RGS7: variants seen among roughly 807,000 people sequenced by gnomAD.
The protein encoded by RGS7 is regulator of G protein signaling 7, also known as regulator of G-protein signaling 7.
Under a neutral mutation model 81.1 loss-of-function variants are expected in RGS7, and 27 were observed. That is an observed-to-expected ratio of 0.33 (90% CI 0.25 to 0.46). The LOEUF is 0.46. RGS7 is among the 20% of genes least tolerant of loss of function. RGS7 has a pLI of 1.00. For synonymous variants in RGS7, 208 were observed against 207.7 expected (o/e 1.00, Z -0.01); for missense variants, 396 against 607.4 (o/e 0.65, Z 3.66).
chr1:241,265,154 A>G (rs1467012017), intron 2 of RGS7, among the ~76,000 whole-genome samples: 1 of 152,228 alleles, frequency 6.6e-6, no homozygotes, highest in Non-Finnish European at 1.5e-5. Flanking sequence ...CGTGTTCCCA[A>G]GTGCAGCCTT....
At chr1:241,304,325 T>C (rs2079951202) in intron 2 of RGS7, among the ~76,000 whole-genome samples, 1 of 152,156 alleles carries the variant, frequency 6.6e-6, no homozygotes, top group African/African-American at 2.4e-5. Context: ...TAGGAGGGTG[T>C]TATGGCTACC....
intron 2 of RGS7, among the ~76,000 whole-genome samples, chr1:241,348,545 A>G (rs1333431472): frequency 2.0e-5 from 3 of 152,228 alleles, no homozygotes; most frequent in Non-Finnish European, 4.4e-5. Flanking sequence ...ACAAATAAAT[A>G]AAGACCTGAA....
intron 6 of RGS7, among the ~76,000 whole-genome samples, chr1:240,897,341 G>A (rs1669256543): frequency 6.6e-6 from 1 of 152,212 alleles, no homozygotes; most frequent in South Asian, 2.1e-4. Context: ...GGTGAGAGAG[G>A]GCATCCCTGT....
rs142155159 is a variant in RGS7, at chr1:241,041,247, T to C, written c.175+57419A>G. On this transcript the variant is annotated intron_variant, in intron 3 of 18. Coordinates refer to ENST00000440928, the MANE Select transcript of RGS7 (RefSeq NM_001364886.1). Reference sequence around the variant, plus strand: ...TTATGAATTACTCTCCACCACAACATATTACTGGAAAGTTAAGTTTTACTG... The same window carrying C: ...TTATGAATTACTCTCCACCACAACACATTACTGGAAAGTTAAGTTTTACTG... Among the ~76,000 whole-genome samples, 500 of 152,326 alleles carry C rather than the reference T, an allele frequency of 3.3e-3. 5 individuals carry two copies. Among genetic ancestry groups the C allele is most frequent in the African/African-American group, 0.011 (471 of 41,576 alleles).
chr1:240,984,402 T>A (rs918542632), intron 3 of RGS7, among the ~76,000 whole-genome samples: 5 of 152,146 alleles, frequency 3.3e-5, no homozygotes, highest in Non-Finnish European at 5.9e-5. Flanking sequence ...ATTACAGACT[T>A]CTTTCAGGAC....
chr1:240,902,308 C>G (rs1236923966), intron 6 of RGS7, among the ~76,000 whole-genome samples: 1 of 152,146 alleles, frequency 6.6e-6, no homozygotes, highest in African/African-American at 2.4e-5. Flanking sequence ...TACTATAGAA[C>G]CTTTGCTGTG....
Position 241,280,967 on chromosome 1 carries a change from T to A in RGS7, c.78+74732A>T, listed in dbSNP as rs2078469104. ...TATTCAGGTCCATTTATATGCAGAT[T>A]TTTTCAATAAATATACTACAAAGTT... On this transcript the variant is annotated intron_variant, in intron 2 of 18. Transcript: ENST00000440928. Among the ~76,000 whole-genome samples, 5 of 152,174 alleles carry A rather than the reference T, an allele frequency of 3.3e-5. No homozygotes were observed. In the South Asian group the frequency reaches 1.0e-3, roughly 32 times the overall value.
At chr1:241,162,397 C>A (rs1187070017) in intron 2 of RGS7, among the ~76,000 whole-genome samples, 1 of 152,210 alleles carries the variant, frequency 6.6e-6, no homozygotes, top group African/African-American at 2.4e-5. Context: ...CACGCAGCCC[C>A]TTCCAAGTGC....
intron 3 of RGS7, among the ~76,000 whole-genome samples, chr1:241,002,830 A>G (rs994441233): frequency 2.0e-5 from 3 of 152,240 alleles, no homozygotes; most frequent in African/African-American, 7.2e-5. Context: ...TTCATATTAA[A>G]TGATGAATAA....
chr1:241,289,888 T>C (rs2079003586), intron 2 of RGS7, among the ~76,000 whole-genome samples: 1 of 152,052 alleles, frequency 6.6e-6, no homozygotes, highest in Non-Finnish European at 1.5e-5. Context: ...AGCAGAAGCA[T>C]GTGGTCCACA....
intron 2 of RGS7, among the ~76,000 whole-genome samples, chr1:241,300,877 A>C (rs1033326247): frequency 2.0e-5 from 3 of 152,224 alleles, no homozygotes; most frequent in African/African-American, 7.2e-5. Context: ...ATTTCCACCA[A>C]CAATGAATGA....
intron 2 of RGS7, among the ~76,000 whole-genome samples, chr1:241,313,830 G>A (rs528996897): frequency 6.6e-6 from 1 of 152,318 alleles, no homozygotes; most frequent in East Asian, 1.9e-4. Context: ...ATTAACAGAA[G>A]TTTGCATGAA....
intron 2 of RGS7, among the ~76,000 whole-genome samples, chr1:241,210,280 G>A (rs577395053): frequency 5.9e-5 from 9 of 152,272 alleles, no homozygotes; most frequent in Middle Eastern, 3.4e-3. Flanking sequence ...CTCCTGACTA[G>A]CTGGGCTTAC....
chr1:240,882,570 A>G (rs565093787), intron 6 of RGS7, among the ~76,000 whole-genome samples: 1 of 152,260 alleles, frequency 6.6e-6, no homozygotes, highest in East Asian at 1.9e-4. Flanking sequence ...CTTGGGTCTC[A>G]GTGATCACAA....
Position 240,868,475 on chromosome 1 carries a change from CCATGGAGCGTGCATGGGGTCACTA to C in RGS7, c.609+88_609+111del, listed in dbSNP as rs1403638893. 1.2e-6 allele frequency: 1 copy of C among 866,870 alleles called. No homozygotes were observed. Among genetic ancestry groups the C allele is most frequent in the Non-Finnish European group, 2.0e-6 (1 of 508,292 alleles). 53.7% of individuals were successfully genotyped at this position (866,870 alleles called of 1,614,324 possible). ...TTTTCTTAATGAATTCACCAAGATA[CCATGGAGCGTGCATGGGGTCACTA>C]CAGTCTTTCACTTACTTTGGCAGGG... On this transcript the variant is annotated intron_variant, in intron 9 of 18. Transcript: ENST00000440928. This position sits in a 1 kb window ranked among gnomAD's most constrained non-coding sequence, Gnocchi z 5.1.
At chr1:240,939,448 T>C (rs954381559) in intron 4 of RGS7, among the ~76,000 whole-genome samples, 2 of 151,882 alleles carry the variant, frequency 1.3e-5, no homozygotes, top group Non-Finnish European at 2.9e-5. Context: ...CTTATTCTCT[T>C]TTTTTTTGAC....
intron 2 of RGS7, among the ~76,000 whole-genome samples, chr1:241,165,538 C>A (rs1393151516): frequency 2.0e-5 from 3 of 150,622 alleles, no homozygotes; most frequent in Admixed American, 6.6e-5. Context: ...GAACAAAAAA[C>A]CAAACACCGC....
At chr1:241,035,915 C>A (rs968961305) in intron 3 of RGS7, among the ~76,000 whole-genome samples, 10 of 152,178 alleles carry the variant, frequency 6.6e-5, no homozygotes, top group African/African-American at 2.2e-4. Flanking sequence ...ATGAAATTTT[C>A]TCTTTCTCTG....
chr1:240,943,142 AAC>A (rs1332293312), intron 4 of RGS7, among the ~76,000 whole-genome samples: 1 of 152,222 alleles, frequency 6.6e-6, no homozygotes, highest in Non-Finnish European at 1.5e-5. Context: ...GAGAAATAAA[AAC>A]AGAATCATAA....
Sources: gnomAD v4.1 joint callset for allele counts (sites outside exome capture counted in the v4.1 genomes callset) on GRCh38, gnomAD v4.1.1 for gene constraint, Gnocchi (gnomAD v3.1) non-coding constraint, MANE v1.5 for transcripts, NCBI Gene and HGNC (gene_info 2026-07-23, HGNC 2026-07-21) for gene names.